The following PRKCA variants were observed in gnomAD, a reference collection of about 807,000 sequenced individuals.
The protein encoded by PRKCA is protein kinase C alpha type.
PRKCA carries 27 observed loss-of-function variants against 87.0 expected under a neutral mutation model. The observed-to-expected ratio is 0.31, with a 90% CI of 0.23 to 0.43. The LOEUF is 0.43. Ranked by LOEUF, PRKCA falls within the 20% of genes least tolerant of loss-of-function variation. PRKCA has a pLI of 1.00. For missense variants in PRKCA, 518 were observed against 852.3 expected (o/e 0.61, Z 4.88); for synonymous variants, 329 against 311.1 (o/e 1.06, Z -0.61).
At position 66,809,795 on chromosome 17, in the gene PRKCA, G is replaced by C. The variant is rs906127594; in HGVS notation, c.*5758G>C. On this transcript the variant is annotated 3_prime_UTR_variant, in exon 17 of 17. Coordinates refer to ENST00000413366, the MANE Select transcript of PRKCA (RefSeq NM_002737.3). The stretch of plus-strand genomic sequence containing the variant: ...TTTTAGTGTCCCCCATCCAGAGGCA[G>C]CCCTGGAATAGGATTCCCAGGGGTT... 6 of 152,306 alleles carry C rather than the reference G, an allele frequency of 3.9e-5. No homozygotes were observed. The highest frequency in any genetic ancestry group is 1.4e-4 in the African/African-American group (6 of 41,568). The allele number at this position is 152,306 out of a possible 1,614,324, so 9.4% of individuals were successfully genotyped here. A position where few individuals can be genotyped will look rare whatever the true frequency, so the allele number is the denominator to read the frequency against.
chr17:66,788,736 G>T, intron 15 of PRKCA, 103 bp from the exon 16 acceptor site: 1 of 1,379,180 alleles, frequency 7.3e-7, no homozygotes, highest in Non-Finnish European at 9.8e-7. Flanking sequence ...CTGTCCAGGC[G>T]TCCACAAAGT....
At chr17:66,758,123 A>G (rs1281246661) in intron 13 of PRKCA, among the ~76,000 whole-genome samples, 1 of 152,204 alleles carries the variant, frequency 6.6e-6, no homozygotes, top group East Asian at 1.9e-4. Context: ...GCCACCACCC[A>G]TAGCCCCCTG....
intron 2 of PRKCA, among the ~76,000 whole-genome samples, chr17:66,469,241 T>C (rs1915221704): frequency 6.6e-6 from 1 of 152,210 alleles, no homozygotes; most frequent in Non-Finnish European, 1.5e-5. Flanking sequence ...AAAGGTGCCC[T>C]GCTATCATTT....
chr17:66,777,483 CAGAAA>C, intron 14 of PRKCA: 1 of 973,270 alleles, frequency 1.0e-6, no homozygotes, highest in African/African-American at 1.9e-5. Flanking sequence ...GGTGTAAACA[CAGAAA>C]GGCAGTTCGT....
At chr17:66,368,356 G>A (rs199512040) in intron 2 of PRKCA, among the ~76,000 whole-genome samples, 24 of 84,058 alleles carry the variant, frequency 2.9e-4, no homozygotes, top group African/African-American at 8.9e-4. Context: ...GTGTGTGTGT[G>A]TGTATATGTA....
At chr17:66,505,583 T>C (rs1033587283) in intron 3 of PRKCA, among the ~76,000 whole-genome samples, 14 of 151,794 alleles carry the variant, frequency 9.2e-5, no homozygotes, top group Admixed American at 3.9e-4. Context: ...CCTTGCCGAG[T>C]TGTCAGCCTC....
At chr17:66,577,453 T>C (rs1233268107) in intron 3 of PRKCA, among the ~76,000 whole-genome samples, 1 of 152,142 alleles carries the variant, frequency 6.6e-6, no homozygotes, top group East Asian at 1.9e-4. Context: ...AGGGAGTCCC[T>C]TGAGATGAGT....
intron 2 of PRKCA, among the ~76,000 whole-genome samples, chr17:66,493,975 G>A (rs1019803396): frequency 1.3e-5 from 2 of 152,146 alleles, no homozygotes; most frequent in African/African-American, 4.8e-5. Context: ...CACTTCTAAA[G>A]CATTGTTTTT....
At chr17:66,695,089 A>G (rs566926683) in intron 8 of PRKCA, among the ~76,000 whole-genome samples, 2 of 152,110 alleles carry the variant, frequency 1.3e-5, no homozygotes, top group African/African-American at 2.4e-5. Flanking sequence ...CCAGAGTTAC[A>G]TTCCTTCCTT....
At chr17:66,791,272 C>T (rs1975527902) in intron 16 of PRKCA, among the ~76,000 whole-genome samples, 1 of 151,968 alleles carries the variant, frequency 6.6e-6, no homozygotes, top group Admixed American at 6.6e-5. Context: ...GACCCAGGCC[C>T]TAAAACTGGA....
rs543128449 is a variant in PRKCA, at chr17:66,693,629, G to A, written c.918+4582G>A. Among the ~76,000 whole-genome samples the A allele has an allele frequency of 1.7e-3, 254 of 152,260 alleles. 7 individuals are homozygous for A. In the South Asian group the frequency reaches 0.051, roughly 30 times the overall value. On this transcript the variant is annotated intron_variant, in intron 8 of 16. Transcript: ENST00000413366. Reference sequence around the variant, plus strand: ...TCTGCTCCCTGTGATGAGGCTCACGGCCAGAGTTGGGAAAAGGTCCACCTT... The same window carrying A: ...TCTGCTCCCTGTGATGAGGCTCACGACCAGAGTTGGGAAAAGGTCCACCTT...
chr17:66,485,338 C>T (rs1330012077), intron 2 of PRKCA, among the ~76,000 whole-genome samples: 1 of 152,202 alleles, frequency 6.6e-6, no homozygotes, highest in African/African-American at 2.4e-5. Flanking sequence ...TACATTGCTT[C>T]TCGCAGTTTT....
intron 2 of PRKCA, among the ~76,000 whole-genome samples, chr17:66,425,871 G>A (rs1449214062): frequency 1.3e-5 from 2 of 152,138 alleles, no homozygotes; most frequent in African/African-American, 2.4e-5. Context: ...TTAGGAGGAG[G>A]AAGGAAGCCG....
intron 2 of PRKCA, among the ~76,000 whole-genome samples, chr17:66,349,589 GGTATGGAGT>G (rs1907612424): frequency 6.6e-6 from 1 of 152,094 alleles, no homozygotes; most frequent in Non-Finnish European, 1.5e-5. Context: ...GAACAGTTTG[GGTATGGAGT>G]GTTTGCCCAT....
At chr17:66,370,466 G>T (rs1184166739) in intron 2 of PRKCA, among the ~76,000 whole-genome samples, 1 of 151,094 alleles carries the variant, frequency 6.6e-6, no homozygotes, top group Non-Finnish European at 1.5e-5. Flanking sequence ...GCCAGGTGCA[G>T]TATGTGAGGT....
At chr17:66,483,388 T>C (rs1024350552) in intron 2 of PRKCA, among the ~76,000 whole-genome samples, 11 of 152,304 alleles carry the variant, frequency 7.2e-5, no homozygotes, top group Non-Finnish European at 1.0e-4. Flanking sequence ...CACCCCAGTC[T>C]TTCTCCATCT....
chr17:66,796,783 G>A, intron 16 of PRKCA: 2 of 985,342 alleles, frequency 2.0e-6, no homozygotes, highest in Non-Finnish European at 2.4e-6. Context: ...TGTGCAGATG[G>A]TGGCGATGCG....
rs531787617 is a variant in PRKCA, at chr17:66,773,860, A to G, written c.1525-127A>G. The G allele has an allele frequency of 6.1e-6, 9 of 1,470,964 alleles. No individual in the cohort carries two copies. The East Asian group carries it at 1.6e-4, about 26-fold the overall frequency. The allele number at this position is 1,470,964 out of a possible 1,614,324, so 91.1% of individuals were successfully genotyped here. On this transcript the variant is annotated intron_variant, in intron 13 of 16. Coordinates refer to ENST00000413366, the MANE Select transcript of PRKCA (RefSeq NM_002737.3). ...GGTCCTCTTCCCTTGGCGTAACATC[A>G]AAGACAGATCTTAGCACCTCATCTG... is the stretch of plus-strand genomic sequence containing the variant.
chr17:66,575,554 T>C (rs1969214809), intron 3 of PRKCA, among the ~76,000 whole-genome samples: 1 of 152,138 alleles, frequency 6.6e-6, no homozygotes, highest in Non-Finnish European at 1.5e-5. Flanking sequence ...CACTCCAGCC[T>C]GGGTGACAAG....
Sources: gnomAD v4.1 joint callset for allele counts (sites outside exome capture counted in the v4.1 genomes callset) on GRCh38, gnomAD v4.1.1 for gene constraint, MANE v1.5 for transcripts, NCBI Gene and HGNC (gene_info 2026-07-23, HGNC 2026-07-21) for gene names.